The following CNTN4 variants were observed in gnomAD, a reference collection of about 807,000 sequenced individuals.
The protein encoded by CNTN4 is contactin-4.
A neutral mutation model predicts 122.5 loss-of-function variants in CNTN4; 77 were observed. The ratio of observed to expected loss-of-function variants is 0.63; its 90% CI spans 0.52 to 0.76. CNTN4 has a LOEUF of 0.76. CNTN4 is among the 30% of genes least tolerant of loss of function. The pLI, the probability that CNTN4 is intolerant of heterozygous loss-of-function variation, is 0.00. For synonymous variants in CNTN4, 512 were observed against 447.0 expected (o/e 1.15, Z -1.83); for missense variants, 1,256 against 1,259.1 (o/e 1.00, Z 0.04).
At chr3:2,965,893 C>A (rs566085775) in intron 13 of CNTN4, among the ~76,000 whole-genome samples, 1 of 152,294 alleles carries the variant, frequency 6.6e-6, no homozygotes, top group South Asian at 2.1e-4. Context: ...GAAAAATTAT[C>A]ATTGATTCAT....
intron 4 of CNTN4, among the ~76,000 whole-genome samples, chr3:2,687,246 A>ACTGCC (rs1293954696): frequency 3.9e-4 from 3 of 7,632 alleles, no homozygotes; most frequent in Non-Finnish European, 3.0e-4. Flanking sequence ...CTGAGCAGAC[A>ACTGCC]TTGCCTTCTA....
At chr3:2,279,189 A>G (rs558454546) in intron 2 of CNTN4, among the ~76,000 whole-genome samples, 3 of 149,796 alleles carry the variant, frequency 2.0e-5, no homozygotes, top group African/African-American at 5.1e-5. Flanking sequence ...CAGGCAAGGA[A>G]TAAGGATTAA....
At chr3:2,978,305 C>A (rs1458956022) in intron 13 of CNTN4, among the ~76,000 whole-genome samples, 3 of 152,188 alleles carry the variant, frequency 2.0e-5, no homozygotes, top group Non-Finnish European at 4.4e-5. Flanking sequence ...CCACAGGCTA[C>A]CCTAAATCCC....
intron 2 of CNTN4, among the ~76,000 whole-genome samples, chr3:2,247,692 T>G (rs916662243): frequency 6.6e-6 from 1 of 151,996 alleles, no homozygotes; most frequent in African/African-American, 2.4e-5. Flanking sequence ...ATACATATTA[T>G]TTGAGCGACA....
chr3:2,631,564 A>G (rs1188238440), intron 4 of CNTN4, among the ~76,000 whole-genome samples: 4 of 152,080 alleles, frequency 2.6e-5, no homozygotes, highest in Non-Finnish European at 5.9e-5. Flanking sequence ...TCAAGTCCCA[A>G]TGATCATAGT....
intron 4 of CNTN4, among the ~76,000 whole-genome samples, chr3:2,647,645 CTAAACTCAGGCAAGTGATTTTACCTCCA>C (rs2083188262): frequency 6.6e-6 from 1 of 152,060 alleles, no homozygotes; most frequent in African/African-American, 2.4e-5. Context: ...TACAAATTAC[CTAAACTCAGGCAAGTGATTTTACCTCCA>C]TGAGACCTCC....
At chr3:2,349,105 G>A (rs542103169) in intron 3 of CNTN4, among the ~76,000 whole-genome samples, 124 of 152,004 alleles carry the variant, frequency 8.2e-4, no homozygotes, top group Non-Finnish European at 1.2e-3. Flanking sequence ...TGTTTTACCC[G>A]AACTGGTTTG....
chr3:2,864,505 G>A (rs529607044), intron 7 of CNTN4, among the ~76,000 whole-genome samples: 1 of 151,872 alleles, frequency 6.6e-6, no homozygotes, highest in Non-Finnish European at 1.5e-5. Flanking sequence ...TTGTGGGGCC[G>A]AGGAGGGCAG....
intron 4 of CNTN4, among the ~76,000 whole-genome samples, chr3:2,734,855 A>G (rs2088965708): frequency 6.6e-6 from 1 of 152,170 alleles, no homozygotes; most frequent in Non-Finnish European, 1.5e-5. Context: ...CTTCAAAATA[A>G]TCACATATAA....
chr3:2,241,635 T>A (rs1475900093), intron 2 of CNTN4, among the ~76,000 whole-genome samples: 2 of 152,194 alleles, frequency 1.3e-5, no homozygotes, highest in African/African-American at 2.4e-5. Flanking sequence ...TCAGCTTGTC[T>A]TTCCACTGGA....
At chr3:2,153,156 T>C (rs1324638016) in intron 2 of CNTN4, among the ~76,000 whole-genome samples, 1 of 152,096 alleles carries the variant, frequency 6.6e-6, no homozygotes, top group Non-Finnish European at 1.5e-5. Flanking sequence ...AGTCTGGAGT[T>C]GAGAAGAAGT....
intron 3 of CNTN4, among the ~76,000 whole-genome samples, chr3:2,427,469 G>A (rs968554724): frequency 7.2e-5 from 11 of 152,132 alleles, no homozygotes; most frequent in Admixed American, 5.9e-4. Flanking sequence ...TTTTACATTT[G>A]CTGAGGAGTT....
chr3:2,967,865 TA>T (rs1692489953), intron 13 of CNTN4, among the ~76,000 whole-genome samples: 1 of 150,940 alleles, frequency 6.6e-6, no homozygotes. Context: ...TTTTTTTTTT[TA>T]ATGACAATGA....
intron 4 of CNTN4, among the ~76,000 whole-genome samples, chr3:2,646,663 C>G (rs2083133965): frequency 6.6e-6 from 1 of 152,128 alleles, no homozygotes; most frequent in Admixed American, 6.5e-5. Context: ...GACTGTGTAG[C>G]TTAAACAACA....
At chr3:2,145,970 G>T (rs2035229187) in intron 2 of CNTN4, among the ~76,000 whole-genome samples, 1 of 149,606 alleles carries the variant, frequency 6.7e-6, no homozygotes. Context: ...AAATGAAGTT[G>T]GCATTAGTTT....
At chr3:2,225,944 C>G (rs2039266000) in intron 2 of CNTN4, among the ~76,000 whole-genome samples, 2 of 152,186 alleles carry the variant, frequency 1.3e-5, no homozygotes, top group Non-Finnish European at 2.9e-5. Context: ...AGCTTTTCCT[C>G]TAACTTTAAG....
At chr3:2,608,148 A>T (rs1001505343) in intron 4 of CNTN4, among the ~76,000 whole-genome samples, 4 of 152,232 alleles carry the variant, frequency 2.6e-5, no homozygotes, top group African/African-American at 9.6e-5. Flanking sequence ...TGTTTCAGCC[A>T]CCTTAAAGAC....
chr3:2,535,488 T>C (rs553798349), intron 3 of CNTN4, among the ~76,000 whole-genome samples: 1 of 152,272 alleles, frequency 6.6e-6, no homozygotes, highest in South Asian at 2.1e-4. Flanking sequence ...GTGAGGTAGG[T>C]AGCTGTTGAG....
intron 2 of CNTN4, among the ~76,000 whole-genome samples, chr3:2,124,966 C>T (rs982800951): frequency 1.3e-5 from 2 of 152,150 alleles, no homozygotes; most frequent in Admixed American, 6.5e-5. Flanking sequence ...CTGGTAAGAT[C>T]ACTTGACATC....
Sources: gnomAD v4.1 joint callset for allele counts (sites outside exome capture counted in the v4.1 genomes callset) on GRCh38, gnomAD v4.1.1 for gene constraint, MANE v1.5 for transcripts, NCBI Gene and HGNC (gene_info 2026-07-23, HGNC 2026-07-21) for gene names.